OTOF: variants seen among roughly 807,000 people sequenced by gnomAD.
OTOF encodes fer-1-like family member 2.
OTOF carries 218 observed loss-of-function variants against 236.8 expected under a neutral mutation model. The observed-to-expected ratio is 0.92, with a 90% CI of 0.82 to 1.03. The LOEUF is 1.03. Among genes scored for constraint, OTOF ranks in the 50% least tolerant of loss-of-function variants. The pLI, the probability that OTOF is intolerant of heterozygous loss-of-function variation, is 0.00. For synonymous variants in OTOF, 1,041 were observed against 1,072.5 expected, an observed-to-expected ratio of 0.97 and a Z score of 0.57; for missense variants, 2,590 against 2,694.4, an observed-to-expected ratio of 0.96 and a Z score of 0.86.
rs1346172334 is a variant in OTOF, at chr2:26,480,253, A to G, written c.1862T>C (p.Met621Thr). 2.5e-6 allele frequency: 4 copies of G among 1,613,054 alleles called. No homozygotes were observed. Among genetic ancestry groups the G allele is most frequent in the African/African-American group, 2.7e-5 (2 of 74,942 alleles). ...FLFGAFLEAS[M>T]IDRRNGDKPI... Reference sequence around the variant, plus strand: ...CTTGTCTCCGTTTCTCCGGTCGATCATTGAGGCCTCCAGGAAGGCTCCAAA... The same window carrying G: ...CTTGTCTCCGTTTCTCCGGTCGATCGTTGAGGCCTCCAGGAAGGCTCCAAA... Residue 621 changes from methionine to threonine, a missense_variant, in exon 16 of 47, where the codon ATG (methionine) becomes ACG (threonine). Met to Thr is a moderately conservative substitution (Grantham distance 81). This residue lies in a region of OTOF where 1,379 missense variants were observed against 1,341.6 expected (regional missense o/e 1.03). Transcript: ENST00000272371.
At position 26,470,837 on chromosome 2, in the gene OTOF, G is replaced by A; in HGVS notation, c.3895-116C>T. 1 of 1,527,836 alleles carries A rather than the reference G, an allele frequency of 6.5e-7. No individual in the cohort carries two copies. The highest frequency in any genetic ancestry group is 1.7e-4 in the Middle Eastern group (1 of 5,960). The allele number at this position is 1,527,836 out of a possible 1,614,324, so 94.6% of individuals were successfully genotyped here. A position where few individuals can be genotyped will look rare whatever the true frequency, so the allele number is the denominator to read the frequency against. On this transcript the variant is annotated intron_variant, in intron 31 of 46. Coordinates refer to ENST00000272371, the MANE Select transcript of OTOF (RefSeq NM_194248.3). The surrounding 1 kb of genome is among the most constrained non-coding windows in gnomAD (Gnocchi z 4.3). ...GAAGCCTTGGGCTCCATGAGGCTCTGTGGGGCCACCCATGTCCAAGGGGCA... is the reference window on the plus strand; with the variant it reads ...GAAGCCTTGGGCTCCATGAGGCTCTATGGGGCCACCCATGTCCAAGGGGCA...
chr2:26,523,948 C>T (rs1251624015), intron 3 of OTOF, among the ~76,000 whole-genome samples: 4 of 152,126 alleles, frequency 2.6e-5, no homozygotes, highest in Non-Finnish European at 5.9e-5. Flanking sequence ...CTCTCTCCCA[C>T]TCTGACCCCC....
chr2:26,542,917 T>C (rs1226660439), intron 1 of OTOF, among the ~76,000 whole-genome samples: 5 of 152,200 alleles, frequency 3.3e-5, no homozygotes, highest in Admixed American at 2.6e-4. Context: ...CAGCAGTGCC[T>C]GCCATTGCTA....
rs778670384 is a variant in OTOF at position 26,558,511 on chromosome 2, C to T, written c.61G>A (p.Ala21Thr). Residue 21 changes from alanine (A) to threonine (T), a missense_variant, in exon 1 of 47, where the codon GCC becomes ACC. Coordinates refer to ENST00000272371, the MANE Select transcript of OTOF (RefSeq NM_194248.3). ...SELRGRGDRI[A>T]KVTFRGQSFY... is the part of the protein sequence containing the mutation. ...TCCCTACCTCGGAAAGTCACTTTGG[C>T]GATCCGGTCGCCCCTGCCCCGCAGC... is the stretch of plus-strand genomic sequence containing the variant. The T allele has an allele frequency of 9.3e-6, 15 of 1,613,704 alleles. No homozygotes were observed. The highest frequency in any genetic ancestry group is 1.6e-4 in the Middle Eastern group (1 of 6,078).
At chr2:26,466,301 C>T (rs1438043155) in intron 36 of OTOF, 1 of 601,870 alleles carries the variant, frequency 1.7e-6, no homozygotes, top group Non-Finnish European at 2.9e-6. Flanking sequence ...CTCCCTGGTG[C>T]CTCCCAGTCT....
At chr2:26,483,349 A>G (rs1350730055) in intron 13 of OTOF, 113 bp downstream of exon 13, 14 of 1,003,336 alleles carry the variant, frequency 1.4e-5, no homozygotes, top group Non-Finnish European at 2.1e-5. Context: ...CCTGGCCAAC[A>G]TGATTTCCAG....
chr2:26,539,711 G>A (rs1191959575), intron 1 of OTOF, among the ~76,000 whole-genome samples: 4 of 152,024 alleles, frequency 2.6e-5, no homozygotes, highest in African/African-American at 9.7e-5. Context: ...CTCCAGCCTG[G>A]GCAACTAGTG....
intron 3 of OTOF, among the ~76,000 whole-genome samples, chr2:26,519,759 T>C (rs1666630142): frequency 6.6e-6 from 1 of 152,178 alleles, no homozygotes; most frequent in African/African-American, 2.4e-5. Context: ...GCTCTCTCAG[T>C]GTCGGTTTTC....
At chr2:26,467,268 T>C (rs1436333549) in intron 34 of OTOF, 35 bp from the exon 35 acceptor site, 1 of 1,614,016 alleles carries the variant, frequency 6.2e-7, no homozygotes, top group South Asian at 1.1e-5. Context: ...GGCGGCTGCC[T>C]GGTCTCTGGC....
Position 26,489,300 on chromosome 2 carries a change from C to T in OTOF, c.961-5G>A. On this transcript the variant is annotated splice_polypyrimidine_tract_variant and splice_region_variant and intron_variant, in intron 10 of 46. Coordinates refer to ENST00000272371, the MANE Select transcript of OTOF (RefSeq NM_194248.3). Reference sequence around the variant, plus strand: ...CAGGTTCTTGGAGTGAATCACCTTTCAGGCAGAACCACAGCCCACCCGTCA... The same window carrying T: ...CAGGTTCTTGGAGTGAATCACCTTTTAGGCAGAACCACAGCCCACCCGTCA... The T allele has an allele frequency of 6.2e-7, 1 of 1,609,098 alleles. No individual in the cohort carries two copies. Among genetic ancestry groups the T allele is most frequent in the Non-Finnish European group, 8.5e-7 (1 of 1,177,498 alleles).
chr2:26,522,515 C>T (rs563648182), intron 3 of OTOF, among the ~76,000 whole-genome samples: 31 of 152,334 alleles, frequency 2.0e-4, no homozygotes, highest in African/African-American at 7.5e-4. Flanking sequence ...CTGCCCGCCG[C>T]AGCTGGCCTT....
Position 26,459,334 on chromosome 2 carries a change from CGAG to C in OTOF, c.*17+671_*17+673del, listed in dbSNP as rs555060981. ...TTGGGAGGCCGAGATGGGCGGATCACGAGGTCAGGAGATCGAGACCATCCTGGC... is the reference window on the plus strand; with the variant it reads ...TTGGGAGGCCGAGATGGGCGGATCACGTCAGGAGATCGAGACCATCCTGGC... On this transcript the variant is annotated intron_variant, in intron 46 of 46. Transcript: ENST00000272371. Among the ~76,000 whole-genome samples, 843 of 152,200 alleles carry C rather than the reference CGAG, an allele frequency of 5.5e-3. 8 individuals carry two copies. The highest frequency in any genetic ancestry group is 0.019 in the African/African-American group (800 of 41,526).
At chr2:26,516,934 G>A (rs1318069592) in intron 4 of OTOF, among the ~76,000 whole-genome samples, 2 of 152,162 alleles carry the variant, frequency 1.3e-5, no homozygotes, top group African/African-American at 4.8e-5. Flanking sequence ...CTACATAACC[G>A]AGAGTGTCGT....
In OTOF at chr2:26,489,758, C is replaced by T. The variant is rs1272918327; in HGVS notation, c.898-18G>A. The T allele has an allele frequency of 6.2e-7, 1 of 1,607,166 alleles. No homozygotes were observed. On this transcript the variant is annotated intron_variant, in intron 9 of 46. Coordinates refer to ENST00000272371, the MANE Select transcript of OTOF (RefSeq NM_194248.3). ...ACGAAGTACTGGAGGGGGAAGGATC[C>T]AGGCCTGCTGTCACTGAGGGCAGCA...
intron 9 of OTOF, among the ~76,000 whole-genome samples, chr2:26,494,470 C>T (rs1224116939): frequency 6.6e-6 from 1 of 152,220 alleles, no homozygotes; most frequent in African/African-American, 2.4e-5. Context: ...TCACTGTCCC[C>T]TTGTGTAAAA....
Position 26,479,491 on chromosome 2 carries a change from C to A in OTOF, c.2075G>T (p.Arg692Leu), listed in dbSNP as rs147978393. ...GGCCCACCTGTCGGTGACCTGGGGC[C>A]GCATTGGTGGAGTGGAGGAGACTGA... ...LASVSSTPPM[R>L]PQVTDRNYFH... The change falls in exon 17 of 47, where the codon CGG becomes CTG. Residue 692 changes from arginine (R) to leucine (L), a missense_variant. Physicochemically the swap from Arg to Leu is moderately radical, Grantham distance 102. Transcript: ENST00000272371. 3 of 1,601,516 alleles carry A rather than the reference C, an allele frequency of 1.9e-6. No individual in the cohort carries two copies. The highest frequency in any genetic ancestry group is 2.7e-5 in the African/African-American group (2 of 74,866).
chr2:26,517,026 G>A (rs778311775), intron 4 of OTOF, among the ~76,000 whole-genome samples: 3 of 152,168 alleles, frequency 2.0e-5, no homozygotes, highest in Non-Finnish European at 4.4e-5. Flanking sequence ...GCCAGAAATC[G>A]GCTTGTTGGA....
chr2:26,527,740 C>CT, intron 3 of OTOF, 92 bp downstream of exon 3: 1 of 959,092 alleles, frequency 1.0e-6, no homozygotes, highest in Non-Finnish European at 1.7e-6. Context: ...TGTAGGTCCC[C>CT]TTTTTAAGCC....
In OTOF at chr2:26,460,846, G is replaced by C. The variant is rs200435099; in HGVS notation, c.5712+6C>G. ...GCCTACTGCCCGAGCAGGAAGGGGTGCGCACCGTGAGCTCAAACTCATCGT... is the reference window on the plus strand; with the variant it reads ...GCCTACTGCCCGAGCAGGAAGGGGTCCGCACCGTGAGCTCAAACTCATCGT... On this transcript the variant is annotated splice_donor_region_variant and intron_variant, in intron 44 of 46. Transcript: ENST00000272371. This position sits in a 1 kb window ranked among gnomAD's most constrained non-coding sequence, Gnocchi z 5.3. 8.2e-5 allele frequency: 133 copies of C among 1,613,942 alleles called. No individual in the cohort carries two copies. The highest frequency in any genetic ancestry group is 1.1e-4 in the Non-Finnish European group (132 of 1,179,994).
Sources: allele counts gnomAD v4.1 joint callset (sites outside exome capture counted in the v4.1 genomes callset), GRCh38; gene constraint gnomAD v4.1.1; regional missense constraint gnomAD v4.1.1; non-coding constraint Gnocchi (gnomAD v3.1); transcripts MANE v1.5; gene names NCBI Gene and HGNC (gene_info 2026-07-23, HGNC 2026-07-21).